PRTG: variants seen among roughly 807,000 people sequenced by gnomAD.
PRTG encodes the protein immunoglobulin superfamily, DCC subclass, member 5.
Under a neutral mutation model 122.5 loss-of-function variants are expected in PRTG, and 67 were observed. That is an observed-to-expected ratio of 0.55 (90% CI 0.45 to 0.67). The LOEUF (loss-of-function observed/expected upper bound fraction) is 0.67. PRTG is among the 30% of genes least tolerant of loss of function. PRTG has a pLI of 0.00. For synonymous variants in PRTG, 554 were observed against 501.1 expected (o/e 1.11, Z -1.41); for missense variants, 1,435 against 1,415.4 (o/e 1.01, Z -0.22).
At chr15:55,622,216 GTTT>G (rs35973280) in intron 18 of PRTG, among the ~76,000 whole-genome samples, 1 of 113,410 alleles carries the variant, frequency 8.8e-6, no homozygotes, top group Non-Finnish European at 1.7e-5. Context: ...ATTAGTACTT[GTTT>G]TTTTTTTTTT....
rs765749574 is a variant in PRTG, at chr15:55,683,845, G to C, written c.484C>G (p.Pro162Ala). Residue 162 changes from proline to alanine, a missense_variant, in exon 3 of 20, where the codon CCT becomes GCT. Transcript: ENST00000389286. ...AACTCCCATGTTATGACTGCAGGAG[G>C]GTGGGATGAAATCTTGCATGCAAAT... ...ARFACKISSH[P>A]PAVITWEFNR... 1.9e-6 allele frequency: 3 copies of C among 1,613,830 alleles called. No homozygotes were observed. Among genetic ancestry groups the C allele is most frequent in the Non-Finnish European group, 2.5e-6 (3 of 1,179,788 alleles).
intron 2 of PRTG, among the ~76,000 whole-genome samples, chr15:55,692,507 G>C (rs1158348418): frequency 6.6e-6 from 1 of 152,146 alleles, no homozygotes; most frequent in Non-Finnish European, 1.5e-5. Flanking sequence ...AACATAGGAA[G>C]AGAGATCAGA....
chr15:55,673,726 C>A, intron 9 of PRTG, 50 bp from the exon 10 acceptor site: 1 of 1,372,530 alleles, frequency 7.3e-7, no homozygotes, highest in Non-Finnish European at 1.0e-6. Context: ...AATCGAATTG[C>A]CACTTAGCAC....
chr15:55,629,096 T>A, intron 15 of PRTG, 92 bp from the exon 16 acceptor site: 1 of 772,318 alleles, frequency 1.3e-6, no homozygotes, highest in Non-Finnish European at 1.9e-6. Context: ...TTTAAAAATA[T>A]TTTTCTGATT....
At position 55,620,062 on chromosome 15, in the gene PRTG, C is replaced by T. The variant is rs546454157; in HGVS notation, c.3403G>A (p.Asp1135Asn). ...ATAACTGAGGACAGATGTATCTCATCGTTGGACTCATGAGAAAACCGCCCA... is the reference window on the plus strand; with the variant it reads ...ATAACTGAGGACAGATGTATCTCATTGTTGGACTCATGAGAAAACCGCCCA... Reference protein sequence around the residue: ...DSGRFSHESNDEIHLSSVIST... With the variant: ...DSGRFSHESNNEIHLSSVIST... The change falls in exon 20 of 20, where the codon GAT (aspartate) becomes AAT (asparagine). Residue 1135 changes from aspartate (D) to asparagine (N), a missense_variant. Coordinates refer to ENST00000389286, the MANE Select transcript of PRTG (RefSeq NM_173814.6). 5.6e-6 allele frequency: 9 copies of T among 1,614,120 alleles called. No individual in the cohort carries two copies. Among genetic ancestry groups the T allele is most frequent in the African/African-American group, 2.7e-5 (2 of 75,026 alleles).
At position 55,650,615 on chromosome 15, in the gene PRTG, T is replaced by A. The variant is rs796512830; in HGVS notation, c.2042-9407A>T. ...GAGCCATTGTGGATTTTATTAAATATACATGGAAGGCAGATGACTAAACGG... is the reference window on the plus strand; with the variant it reads ...GAGCCATTGTGGATTTTATTAAATAAACATGGAAGGCAGATGACTAAACGG... On this transcript the variant is annotated intron_variant, in intron 11 of 19. Coordinates refer to ENST00000389286, the MANE Select transcript of PRTG (RefSeq NM_173814.6). Among the ~76,000 whole-genome samples, 28 of 152,140 alleles carry A rather than the reference T, an allele frequency of 1.8e-4. 4 individuals carry two copies. Among genetic ancestry groups the A allele is most frequent in the African/African-American group, 6.7e-4 (28 of 41,508 alleles).
chr15:55,700,123 T>C (rs1458362021), intron 2 of PRTG, among the ~76,000 whole-genome samples: 1 of 152,218 alleles, frequency 6.6e-6, no homozygotes, highest in Non-Finnish European at 1.5e-5. Context: ...TATGTCTGTA[T>C]ATGTACAGAA....
At chr15:55,679,217 C>A (rs1385287677) in intron 7 of PRTG, 69 bp downstream of exon 7, 1 of 988,768 alleles carries the variant, frequency 1.0e-6, no homozygotes, top group African/African-American at 1.6e-5. Context: ...ATTATTATAA[C>A]CATTTCACAT....
chr15:55,623,354 G>T (rs896673724), intron 18 of PRTG, among the ~76,000 whole-genome samples: 11 of 152,082 alleles, frequency 7.2e-5, no homozygotes, highest in African/African-American at 2.7e-4. Flanking sequence ...GATCATCTGA[G>T]GTCAGTAGTT....
intron 11 of PRTG, among the ~76,000 whole-genome samples, chr15:55,670,920 C>A (rs1290231179): frequency 3.5e-5 from 2 of 57,060 alleles, no homozygotes; most frequent in Non-Finnish European, 4.6e-5. Context: ...CACACACACA[C>A]ACACACACAC....
chr15:55,625,131 ATTTT>A (rs994462788), intron 17 of PRTG, among the ~76,000 whole-genome samples: 1 of 151,718 alleles, frequency 6.6e-6, no homozygotes, highest in Non-Finnish European at 1.5e-5. Context: ...TTTGACGTTG[ATTTT>A]TTTTTAATTC....
At chr15:55,657,781 T>C (rs1038243831) in intron 11 of PRTG, among the ~76,000 whole-genome samples, 8 of 152,236 alleles carry the variant, frequency 5.3e-5, no homozygotes, top group African/African-American at 1.9e-4. Context: ...CCTAGTTTTA[T>C]TGATTTTCCA....
In PRTG at chr15:55,743,082, G is replaced by A. The variant is rs1438348589; in HGVS notation, c.-151C>T. On this transcript the variant is annotated 5_prime_UTR_variant, in exon 1 of 20. Coordinates refer to ENST00000389286, the MANE Select transcript of PRTG (RefSeq NM_173814.6). ...CACCGGCGTGGCGAGCGTCTCTGCG[G>A]CGGCGAGGCTGGTGCTCGGACGGCC... 6.2e-6 allele frequency: 8 copies of A among 1,289,546 alleles called. No individual in the cohort carries two copies. Among genetic ancestry groups the A allele is most frequent in the Middle Eastern group, 2.9e-4 (1 of 3,412 alleles). The allele number at this position is 1,289,546 out of a possible 1,614,324, so 79.9% of individuals were successfully genotyped here. A position where few individuals can be genotyped will look rare whatever the true frequency, so the allele number is the denominator to read the frequency against.
intron 2 of PRTG, among the ~76,000 whole-genome samples, chr15:55,710,852 C>T (rs1038932441): frequency 1.3e-5 from 2 of 152,116 alleles, no homozygotes; most frequent in Non-Finnish European, 2.9e-5. Flanking sequence ...GTACCTGCCC[C>T]GAGACGACTT....
chr15:55,679,285 C>G lies in PRTG; in HGVS notation c.1133+1G>C, dbSNP rs1426806880. ...AATGGTAGCAAAGTTACACAGCCTA[C>G]CTGTTGTACATTTTAATTCTACCAT... is the stretch of plus-strand genomic sequence containing the variant. On this transcript the variant is annotated splice_donor_variant, in intron 7 of 19. Transcript: ENST00000389286. LOFTEE classifies it high-confidence loss of function. The G allele has an allele frequency of 3.1e-6, 5 of 1,606,698 alleles. No individual in the cohort carries two copies. The highest frequency in any genetic ancestry group is 4.3e-6 in the Non-Finnish European group (5 of 1,173,830).
At chr15:55,692,018 C>T (rs1185448562) in intron 2 of PRTG, among the ~76,000 whole-genome samples, 1 of 151,910 alleles carries the variant, frequency 6.6e-6, no homozygotes, top group Non-Finnish European at 1.5e-5. Context: ...GCCTGGGCAA[C>T]AGAATGAGAC....
At chr15:55,637,075 T>C in intron 15 of PRTG, 95 bp downstream of exon 15, 1 of 1,114,124 alleles carries the variant, frequency 9.0e-7, no homozygotes, top group East Asian at 2.6e-5. Flanking sequence ...CATAAAAATG[T>C]AAATTCAAAA....
At chr15:55,628,264 G>A (rs1286413832) in intron 16 of PRTG, among the ~76,000 whole-genome samples, 1 of 152,084 alleles carries the variant, frequency 6.6e-6, no homozygotes, top group Non-Finnish European at 1.5e-5. Flanking sequence ...CAAAGGCAGT[G>A]TCCAGTCCTG....
intron 19 of PRTG, 75 bp from the exon 20 acceptor site, chr15:55,620,341 C>A: frequency 6.4e-7 from 1 of 1,566,336 alleles, no homozygotes. Context: ...ATCAGGTCCC[C>A]ACAGACAGGT....
Sources: allele counts gnomAD v4.1 joint callset (sites outside exome capture counted in the v4.1 genomes callset), GRCh38; gene constraint gnomAD v4.1.1; transcripts MANE v1.5; gene names NCBI Gene and HGNC (gene_info 2026-07-23, HGNC 2026-07-21).